BANK1: variants seen among roughly 807,000 people sequenced by gnomAD.
BANK1 encodes B-cell scaffold protein with ankyrin repeats.
Under a neutral mutation model 94.5 loss-of-function variants are expected in BANK1, and 95 were observed. The observed-to-expected ratio is 1.00, with a 90% CI of 0.85 to 1.19. The LOEUF is 1.19. Ranked by LOEUF, BANK1 falls within the 50% of genes most tolerant of loss-of-function variation. The pLI is 0.00. For synonymous variants in BANK1, 334 were observed against 308.4 expected (o/e 1.08, Z -0.87); for missense variants, 987 against 932.2 (o/e 1.06, Z -0.77).
intron 11 of BANK1, among the ~76,000 whole-genome samples, chr4:102,046,231 G>A (rs1578477387): frequency 2.0e-5 from 3 of 151,942 alleles, no homozygotes; most frequent in Admixed American, 2.0e-4. Flanking sequence ...GGGAAAACTG[G>A]CCAGCCATAT....
chr4:102,036,521 AGTTT>A (rs1410511915), intron 10 of BANK1, among the ~76,000 whole-genome samples: 1 of 152,168 alleles, frequency 6.6e-6, no homozygotes, highest in Non-Finnish European at 1.5e-5. Flanking sequence ...CAAACCATTT[AGTTT>A]AAGGACATAG....
At chr4:101,906,983 C>T (rs1342672984) in intron 6 of BANK1, among the ~76,000 whole-genome samples, 1 of 152,060 alleles carries the variant, frequency 6.6e-6, no homozygotes, top group Non-Finnish European at 1.5e-5. Flanking sequence ...CTGAGAGCCC[C>T]GAACAGAGAT....
intron 13 of BANK1, among the ~76,000 whole-genome samples, chr4:102,065,118 C>T (rs1425312247): frequency 6.6e-6 from 1 of 152,164 alleles, no homozygotes; most frequent in African/African-American, 2.4e-5. Context: ...AAAAGCCAGC[C>T]TGGGAGTGTT....
chr4:101,953,423 T>C (rs1051311799), intron 7 of BANK1, among the ~76,000 whole-genome samples: 1 of 152,172 alleles, frequency 6.6e-6, no homozygotes, highest in Non-Finnish European at 1.5e-5. Context: ...GATGGCAGAA[T>C]TGCATGGAGA....
At chr4:101,883,706 T>C (rs1016308075) in intron 5 of BANK1, among the ~76,000 whole-genome samples, 1 of 152,194 alleles carries the variant, frequency 6.6e-6, no homozygotes, top group Non-Finnish European at 1.5e-5. Context: ...TTTTACTACC[T>C]GCTTTTTTAG....
chr4:101,908,589 C>T (rs1722548458), intron 6 of BANK1, among the ~76,000 whole-genome samples: 1 of 152,094 alleles, frequency 6.6e-6, no homozygotes, highest in Non-Finnish European at 1.5e-5. Flanking sequence ...TTCTGCACAG[C>T]AAAAGAAACT....
chr4:101,800,820 C>T (rs1309269989), intron 1 of BANK1, among the ~76,000 whole-genome samples: 1 of 152,162 alleles, frequency 6.6e-6, no homozygotes, highest in Non-Finnish European at 1.5e-5. Context: ...TGCAATGGTA[C>T]AATCTCAGCT....
In BANK1 at chr4:102,043,849, A is replaced by G. The variant is rs200745053; in HGVS notation, c.1911A>G (p.Gln637=). The stretch of plus-strand genomic sequence containing the variant: ...CTATACTTTTTACAGTGTTTCAACA[A>G]AAGACAGCCAGAAGACAATCTGATG... The part of the protein sequence containing the change: ...TTPYIAQVFQ[Q]KTARRQSDDD... Residue 637 remains glutamine (Q), a synonymous_variant, in exon 11 of 17, where the codon CAA becomes CAG. Coordinates refer to ENST00000322953, the MANE Select transcript of BANK1 (RefSeq NM_017935.5). The G allele has an allele frequency of 2.2e-5, 36 of 1,602,498 alleles. No individual in the cohort carries two copies. The highest frequency in any genetic ancestry group is 2.9e-5 in the Non-Finnish European group (34 of 1,171,130).
intron 7 of BANK1, among the ~76,000 whole-genome samples, chr4:101,953,601 T>G (rs1405570974): frequency 6.6e-6 from 1 of 151,996 alleles, no homozygotes; most frequent in Non-Finnish European, 1.5e-5. Flanking sequence ...ATGCTAAGTA[T>G]CTTTCTGCTA....
intron 7 of BANK1, among the ~76,000 whole-genome samples, chr4:101,935,926 A>C (rs1472541860): frequency 6.6e-6 from 1 of 151,586 alleles, no homozygotes; most frequent in Non-Finnish European, 1.5e-5. Flanking sequence ...AAATGGATTA[A>C]AGACTTAAAT....
At chr4:101,830,769 T>G (rs749141429) in intron 2 of BANK1, among the ~76,000 whole-genome samples, 42 of 152,160 alleles carry the variant, frequency 2.8e-4, no homozygotes, top group Non-Finnish European at 5.6e-4. Context: ...CTGCTAGGTG[T>G]GAAAGGGGTG....
intron 1 of BANK1, among the ~76,000 whole-genome samples, chr4:101,796,984 A>G (rs1031255715): frequency 1.1e-4 from 16 of 152,158 alleles, no homozygotes; most frequent in African/African-American, 3.6e-4. Flanking sequence ...CAGGCCATTA[A>G]TAAAACTTTA....
chr4:102,003,050 C>T (rs188715117), intron 7 of BANK1, among the ~76,000 whole-genome samples: 7 of 152,264 alleles, frequency 4.6e-5, no homozygotes, highest in East Asian at 1.9e-4. Flanking sequence ...TGTGAGCTAC[C>T]GTGCCCAGCC....
chr4:101,841,398 A>T (rs570495124), intron 2 of BANK1, among the ~76,000 whole-genome samples: 15 of 152,282 alleles, frequency 9.9e-5, no homozygotes, highest in Admixed American at 4.6e-4. Flanking sequence ...TTATAAGTAT[A>T]GGACTAAACT....
chr4:101,947,765 C>G (rs1723987358), intron 7 of BANK1, among the ~76,000 whole-genome samples: 1 of 151,962 alleles, frequency 6.6e-6, no homozygotes, highest in Admixed American at 6.6e-5. Context: ...TTACCCCTAC[C>G]AACTGAAATT....
At chr4:102,052,558 C>T (rs1487622065) in intron 11 of BANK1, among the ~76,000 whole-genome samples, 1 of 151,882 alleles carries the variant, frequency 6.6e-6, no homozygotes, top group Admixed American at 6.6e-5. Flanking sequence ...AGTAAGGTTG[C>T]CAGATATCAT....
intron 1 of BANK1, among the ~76,000 whole-genome samples, chr4:101,808,299 A>G (rs1160403805): frequency 6.6e-6 from 1 of 152,116 alleles, no homozygotes. Context: ...TTTAATAGAA[A>G]AATATGTAAT....
intron 7 of BANK1, among the ~76,000 whole-genome samples, chr4:101,995,937 T>G (rs181159711): frequency 6.6e-6 from 1 of 152,308 alleles, no homozygotes; most frequent in Admixed American, 6.5e-5. Context: ...GTGCAGAAGT[T>G]TAGTTTAGTT....
At position 101,918,482 on chromosome 4, in the gene BANK1, C is replaced by T. The variant is rs77576684; in HGVS notation, c.1206+293C>T. On this transcript the variant is annotated intron_variant, in intron 7 of 16. Transcript: ENST00000322953. The stretch of plus-strand genomic sequence containing the variant: ...AGTTCTGTCTTATGAAGGTTGAAGC[C>T]CCAAATTTCAGAACACTTTTTGAAG... Among the ~76,000 whole-genome samples, 663 of 151,880 alleles carry T rather than the reference C, an allele frequency of 4.4e-3. 5 individuals are homozygous for T. The highest frequency in any genetic ancestry group is 0.014 in the Middle Eastern group (4 of 294).
Sources: allele counts gnomAD v4.1 joint callset (sites outside exome capture counted in the v4.1 genomes callset), GRCh38; gene constraint gnomAD v4.1.1; transcripts MANE v1.5; gene names NCBI Gene and HGNC (gene_info 2026-07-23, HGNC 2026-07-21).